The following PARD3B variants were observed in gnomAD, a reference collection of about 807,000 sequenced individuals.
PARD3B encodes the protein par-3 family cell polarity regulator beta, also known as partitioning defective 3 homolog B.
Under a neutral mutation model 130.2 loss-of-function variants are expected in PARD3B, and 103 were observed. That is an observed-to-expected ratio of 0.79 (90% confidence interval 0.67 to 0.93). The LOEUF is 0.93. Among genes scored for constraint, PARD3B ranks in the 40% least tolerant of loss-of-function variants. The pLI, the probability that PARD3B is intolerant of heterozygous loss-of-function variation, is 0.00. For synonymous variants in PARD3B, 583 were observed against 553.2 expected (o/e 1.05, Z -0.76); for missense variants, 1,609 against 1,499.2 (o/e 1.07, Z -1.21).
At position 205,575,110 on chromosome 2, in the gene PARD3B, C is replaced by CACAA. The variant is rs1459790868; in HGVS notation, c.3260+21710_3260+21711insAACA. On this transcript the variant is annotated intron_variant, in intron 22 of 22. Coordinates refer to ENST00000406610, the MANE Select transcript of PARD3B (RefSeq NM_001302769.2). The surrounding 1 kb of genome is among the most constrained non-coding windows in gnomAD (Gnocchi z 4.6). Reference sequence around the variant, plus strand: ...ACACACACACACACACACACACACACACACGCGTACACTATATATAAAAAT... The same window carrying CACAA: ...ACACACACACACACACACACACACACACAAACACGCGTACACTATATATAAAAAT... 2.9e-5 allele frequency among the ~76,000 whole-genome samples: 4 copies of CACAA among 138,772 alleles called. No individual in the cohort carries two copies. The highest frequency in any genetic ancestry group is 1.0e-4 in the African/African-American group (4 of 39,874). 91.0% of individuals were successfully genotyped at this position (138,772 alleles called of 152,430 possible).
intron 14 of PARD3B, 40 bp downstream of exon 14, chr2:205,185,903 T>C (rs1239619202): frequency 6.5e-7 from 1 of 1,530,554 alleles, no homozygotes; most frequent in Non-Finnish European, 9.1e-7. Context: ...TCCTTGTTAT[T>C]GTTTTTCTGG....
At chr2:205,034,572 A>G (rs1222328535) in intron 3 of PARD3B, among the ~76,000 whole-genome samples, 1 of 152,178 alleles carries the variant, frequency 6.6e-6, no homozygotes, top group Non-Finnish European at 1.5e-5. Context: ...CACAAGACAA[A>G]TAGGGATATA....
intron 2 of PARD3B, among the ~76,000 whole-genome samples, chr2:204,700,231 T>C (rs1437663264): frequency 6.6e-6 from 1 of 152,096 alleles, no homozygotes; most frequent in Non-Finnish European, 1.5e-5. Context: ...AAAACAAATA[T>C]TTTCCTCTTA....
chr2:205,099,066 G>A (rs1230995340), intron 4 of PARD3B, among the ~76,000 whole-genome samples: 1 of 152,176 alleles, frequency 6.6e-6, no homozygotes, highest in Admixed American at 6.6e-5. Context: ...TGTCTGACCA[G>A]TTGGCAGGAC....
Position 205,280,729 on chromosome 2 carries a change from A to T in PARD3B, c.2186-19801A>T, listed in dbSNP as rs1479652651. On this transcript the variant is annotated intron_variant, in intron 16 of 22. Transcript: ENST00000406610. The surrounding 1 kb of genome is among the most constrained non-coding windows in gnomAD (Gnocchi z 4.7). ...AGCCTTGACATGTCCTATAATTGCC[A>T]CTTGGCTAACAAACATTTGATACTT... Among the ~76,000 whole-genome samples, 1 of 152,226 alleles carries T rather than the reference A, an allele frequency of 6.6e-6. No individual in the cohort carries two copies. The highest frequency in any genetic ancestry group is 6.5e-5 in the Admixed American group (1 of 15,284).
chr2:204,751,753 G>A (rs550808660), intron 2 of PARD3B, among the ~76,000 whole-genome samples: 2 of 152,104 alleles, frequency 1.3e-5, no homozygotes, highest in African/African-American at 4.8e-5. Context: ...AAACTGTCAT[G>A]GATGTAGTTG....
intron 20 of PARD3B, among the ~76,000 whole-genome samples, chr2:205,457,559 C>A (rs904049726): frequency 6.6e-6 from 1 of 152,054 alleles, no homozygotes; most frequent in Middle Eastern, 3.4e-3. Context: ...TCCCAGAATA[C>A]TTTTCCTTTT....
chr2:205,034,738 A>G (rs1697679162), intron 3 of PARD3B, among the ~76,000 whole-genome samples: 1 of 152,198 alleles, frequency 6.6e-6, no homozygotes, highest in Non-Finnish European at 1.5e-5. Context: ...ATTTATAAAT[A>G]AAGTTAACAT....
chr2:205,310,833 C>T (rs2042361322), intron 18 of PARD3B, among the ~76,000 whole-genome samples: 1 of 145,812 alleles, frequency 6.9e-6, no homozygotes, highest in African/African-American at 2.5e-5. Flanking sequence ...AAGTGATTCT[C>T]CTGCCTCAGC....
At chr2:204,746,598 C>T (rs557718369) in intron 2 of PARD3B, among the ~76,000 whole-genome samples, 5 of 152,294 alleles carry the variant, frequency 3.3e-5, no homozygotes, top group South Asian at 4.1e-4. Context: ...CTCCCACCAA[C>T]GGTGTAAAAG....
chr2:205,564,872 T>C lies in PARD3B; in HGVS notation c.3260+11469T>C, dbSNP rs994936930. Among the ~76,000 whole-genome samples, 4 of 152,202 alleles carry C rather than the reference T, an allele frequency of 2.6e-5. No individual in the cohort carries two copies. Among genetic ancestry groups the C allele is most frequent in the African/African-American group, 9.7e-5 (4 of 41,440 alleles). ...CCTCCAGAACGTGTTCCTGCTTCTA[T>C]TCCAAGTCTCTCATTAAGCCTAGAC... On this transcript the variant is annotated intron_variant, in intron 22 of 22. Transcript: ENST00000406610. This position sits in a 1 kb window ranked among gnomAD's most constrained non-coding sequence, Gnocchi z 4.6.
chr2:205,484,807 G>C (rs1021827936), intron 20 of PARD3B, among the ~76,000 whole-genome samples: 1 of 152,154 alleles, frequency 6.6e-6, no homozygotes, highest in East Asian at 1.9e-4. Flanking sequence ...ACTTCACCAT[G>C]ATGGGTAAAA....
In PARD3B at chr2:205,405,585, A is replaced by C. The variant is rs910808061; in HGVS notation, c.2741+4462A>C. The stretch of plus-strand genomic sequence containing the variant: ...AAACATTACTGATGAATATCCCATC[A>C]ATCTAAGCTTGCAAGAATAATTTTT... On this transcript the variant is annotated intron_variant, in intron 19 of 22. Transcript: ENST00000406610. The surrounding 1 kb of genome is among the most constrained non-coding windows in gnomAD (Gnocchi z 4.1). Among the ~76,000 whole-genome samples, 1 of 152,194 alleles carries C rather than the reference A, an allele frequency of 6.6e-6. No homozygotes were observed. Among genetic ancestry groups the C allele is most frequent in the African/African-American group, 2.4e-5 (1 of 41,454 alleles).
At chr2:205,192,468 AAAAC>A (rs1297628802) in intron 14 of PARD3B, among the ~76,000 whole-genome samples, 2 of 152,206 alleles carry the variant, frequency 1.3e-5, no homozygotes, top group African/African-American at 4.8e-5. Context: ...ATTTATTTCT[AAAAC>A]AAGAACTAAG....
Position 204,809,573 on chromosome 2 carries a change from G to A in PARD3B, c.222+123291G>A. Among the ~76,000 whole-genome samples, 3 of 152,112 alleles carry A rather than the reference G, an allele frequency of 2.0e-5. 1 individual carries two copies. Among genetic ancestry groups the A allele is most frequent in the Non-Finnish European group, 4.4e-5 (3 of 67,976 alleles). ...CATAGATGTGTGGCCTTATTTCTGGGGTCTCTGTTCTGTTCCATTGGTCTA... is the reference window on the plus strand; with the variant it reads ...CATAGATGTGTGGCCTTATTTCTGGAGTCTCTGTTCTGTTCCATTGGTCTA... On this transcript the variant is annotated intron_variant, in intron 2 of 22. Coordinates refer to ENST00000406610, the MANE Select transcript of PARD3B (RefSeq NM_001302769.2).
rs898012550 is a variant in PARD3B, at chr2:204,756,945, T to C, written c.222+70663T>C. ...CTCCCCTCCTTTGGAATCTCGTGTTTATTGTTCCATCTTTGTGTCCATGTA... is the reference window on the plus strand; with the variant it reads ...CTCCCCTCCTTTGGAATCTCGTGTTCATTGTTCCATCTTTGTGTCCATGTA... On this transcript the variant is annotated intron_variant, in intron 2 of 22. Coordinates refer to ENST00000406610, the MANE Select transcript of PARD3B (RefSeq NM_001302769.2). Among the ~76,000 whole-genome samples the C allele has an allele frequency of 2.0e-5, 3 of 152,090 alleles. No homozygotes were observed. In the East Asian group the frequency reaches 5.8e-4, roughly 29 times the overall value.
chr2:205,498,993 C>A (rs1229701890), intron 20 of PARD3B, among the ~76,000 whole-genome samples: 2 of 152,104 alleles, frequency 1.3e-5, no homozygotes, highest in African/African-American at 4.8e-5. Flanking sequence ...GTGAAGTGTT[C>A]CTTTTTCCAT....
intron 4 of PARD3B, among the ~76,000 whole-genome samples, chr2:205,093,570 A>G (rs1702236002): frequency 6.6e-6 from 1 of 152,212 alleles, no homozygotes; most frequent in African/African-American, 2.4e-5. Context: ...ATGGTATTCT[A>G]GAAAACTGGT....
Position 205,292,010 on chromosome 2 carries a change from G to T in PARD3B, c.2186-8520G>T, listed in dbSNP as rs1444604655. ...AGTGGTGTCAAAGGAGGGGCTGCTG[G>T]TGCCCTCAGGACCTCAGTGCATGCT... On this transcript the variant is annotated intron_variant, in intron 16 of 22. Coordinates refer to ENST00000406610, the MANE Select transcript of PARD3B (RefSeq NM_001302769.2). The surrounding 1 kb of genome is among the most constrained non-coding windows in gnomAD (Gnocchi z 5.3). 1.3e-5 allele frequency among the ~76,000 whole-genome samples: 2 copies of T among 152,216 alleles called. No homozygotes were observed. The highest frequency in any genetic ancestry group is 2.4e-5 in the African/African-American group (1 of 41,458).
Sources: gnomAD v4.1 joint callset for allele counts (sites outside exome capture counted in the v4.1 genomes callset) on GRCh38, gnomAD v4.1.1 for gene constraint, Gnocchi (gnomAD v3.1) non-coding constraint, MANE v1.5 for transcripts, NCBI Gene and HGNC (gene_info 2026-07-23, HGNC 2026-07-21) for gene names.